The following CHD7 variants were observed in gnomAD, a reference collection of about 807,000 sequenced individuals.
CHD7 encodes the protein ATP-dependent chromatin remodeler CHD7.
Under a neutral mutation model 307.3 loss-of-function variants are expected in CHD7, and 24 were observed. The ratio of observed to expected loss-of-function variants is 0.08; its 90% CI spans 0.06 to 0.11. CHD7 has a LOEUF of 0.11. Ranked by LOEUF, CHD7 falls within the 10% of genes least tolerant of loss-of-function variation. CHD7 has a pLI of 1.00. For synonymous variants in CHD7, 1,363 were observed against 1,349.9 expected, an observed-to-expected ratio of 1.01 and a Z score of -0.21; for missense variants, 3,106 against 3,727.1, an observed-to-expected ratio of 0.83 and a Z score of 4.34.
At chr8:60,699,905 A>C (rs767812416) in intron 1 of CHD7, among the ~76,000 whole-genome samples, 1 of 150,050 alleles carries the variant, frequency 6.7e-6, no homozygotes, top group Non-Finnish European at 1.5e-5. Flanking sequence ...GCGTGATTTC[A>C]GCTCACCACA....
intron 15 of CHD7, among the ~76,000 whole-genome samples, chr8:60,832,739 A>G (rs1218012735): frequency 1.3e-5 from 2 of 152,168 alleles, no homozygotes; most frequent in Non-Finnish European, 2.9e-5. Flanking sequence ...TATGTTAATT[A>G]TATGCATTGA....
intron 2 of CHD7, among the ~76,000 whole-genome samples, chr8:60,775,351 T>G (rs1267958967): frequency 6.6e-6 from 1 of 152,250 alleles, no homozygotes; most frequent in Non-Finnish European, 1.5e-5. Context: ...CTTATATGCT[T>G]ATACTACTTT....
intron 2 of CHD7, among the ~76,000 whole-genome samples, chr8:60,756,048 CT>C (rs1029595363): frequency 2.6e-5 from 4 of 152,134 alleles, no homozygotes; most frequent in Non-Finnish European, 5.9e-5. Flanking sequence ...GGCTGAAGAA[CT>C]GAAATTTTAA....
intron 37 of CHD7, chr8:60,864,323 T>G (rs1177677772): frequency 6.6e-6 from 1 of 152,196 alleles, no homozygotes; most frequent in Non-Finnish European, 1.5e-5. Context: ...TCTTGCTATG[T>G]GCCCCAGGCT....
chr8:60,763,401 A>G (rs2150626268), intron 2 of CHD7, among the ~76,000 whole-genome samples: 1 of 152,254 alleles, frequency 6.6e-6, no homozygotes, highest in South Asian at 2.1e-4. Context: ...CACGTCAGAC[A>G]GCATGGCTTG....
intron 7 of CHD7, among the ~76,000 whole-genome samples, chr8:60,814,199 G>A (rs1414009611): frequency 1.3e-5 from 2 of 152,092 alleles, no homozygotes; most frequent in African/African-American, 4.8e-5. Context: ...CTCCAGAATG[G>A]GTTATCATCA....
At chr8:60,694,271 T>C (rs73264328) in intron 1 of CHD7, among the ~76,000 whole-genome samples, 1,568 of 152,358 alleles carry the variant, frequency 0.01, 25 homozygotes, top group African/African-American at 0.036. Flanking sequence ...CTTTAGTCTG[T>C]TGCTACTAAC....
chr8:60,746,272 G>T (rs1809321899), intron 2 of CHD7, among the ~76,000 whole-genome samples: 1 of 152,176 alleles, frequency 6.6e-6, no homozygotes, highest in Non-Finnish European at 1.5e-5. Context: ...TAAATATTAT[G>T]TAATACAGCC....
Position 60,848,599 on chromosome 8 carries a change from C to G in CHD7, c.5295C>G (p.Asp1765Glu). 6.2e-7 allele frequency: 1 copy of G among 1,612,460 alleles called. No homozygotes were observed. The highest frequency in any genetic ancestry group is 8.5e-7 in the Non-Finnish European group (1 of 1,178,872). ...DQADKILEGA[D>E]SSEADVWIPE... is the part of the protein sequence containing the mutation. ...CGGATAAGATCTTAGAGGGTGCTGA[C>G]TCAAGGTTAGTGCGAGCTCACATTT... The change falls in exon 24 of 38, where the codon GAC becomes GAG. Residue 1765 changes from aspartate to glutamate, a missense_variant. Physicochemically the swap from Asp to Glu is conservative, Grantham distance 45. Transcript: ENST00000423902.
In CHD7 at chr8:60,842,070, C is replaced by T. The variant is rs375486200; in HGVS notation, c.4850+18C>T. 1.9e-5 allele frequency: 30 copies of T among 1,574,704 alleles called. No individual in the cohort carries two copies. Among genetic ancestry groups the T allele is most frequent in the Middle Eastern group, 1.7e-4 (1 of 5,928 alleles). ...GTCTATGGGTAAGTAGGACTCACTA[C>T]GTAAGATAGAATTTTATTGTAACAG... On this transcript the variant is annotated intron_variant, in intron 21 of 37. Transcript: ENST00000423902.
At chr8:60,829,235 TTTC>T (rs1804390932) in intron 14 of CHD7, among the ~76,000 whole-genome samples, 2 of 152,198 alleles carry the variant, frequency 1.3e-5, no homozygotes, top group African/African-American at 4.8e-5. Context: ...GCCTACGTAT[TTTC>T]ACTTTAGAAA....
chr8:60,852,751 A>T (rs760798235), intron 30 of CHD7, 45 bp downstream of exon 30: 1 of 1,611,164 alleles, frequency 6.2e-7, no homozygotes, highest in Non-Finnish European at 8.5e-7. Flanking sequence ...AGACGAGTAA[A>T]GTGAAAAATA....
At position 60,742,340 on chromosome 8, in the gene CHD7, C is replaced by G. The variant is rs2150579546; in HGVS notation, c.908C>G (p.Thr303Ser). The change falls in exon 2 of 38, where the codon ACT becomes AGT. Residue 303 changes from threonine to serine, a missense_variant. By Grantham distance (58) the Thr-to-Ser change is moderately conservative (BLOSUM62 1). Transcript: ENST00000423902. ...SSRSQTVPSP[T>S]INNSGQYSRY... The stretch of plus-strand genomic sequence containing the variant: ...CGGAGCCAGACAGTCCCCTCTCCTA[C>G]TATAAACAACTCAGGGCAGTATTCT... 2.5e-6 allele frequency: 4 copies of G among 1,613,988 alleles called. No individual in the cohort carries two copies. Among genetic ancestry groups the G allele is most frequent in the Non-Finnish European group, 3.4e-6 (4 of 1,179,894 alleles).
chr8:60,811,639 C>T (rs1467397933), intron 7 of CHD7, among the ~76,000 whole-genome samples: 4 of 152,084 alleles, frequency 2.6e-5, no homozygotes, highest in African/African-American at 9.7e-5. Flanking sequence ...AATATATATT[C>T]TCATACATAT....
chr8:60,828,735 T>G lies in CHD7; in HGVS notation c.3451T>G (p.Leu1151Val). Residue 1151 changes from leucine to valine, a missense_variant, in exon 14 of 38, where the codon TTG (leucine) becomes GTG (valine). Leu to Val is a conservative substitution (Grantham distance 32). This residue lies in a region of CHD7 where 232 missense variants were observed against 422.5 expected (regional missense o/e 0.55). Transcript: ENST00000423902. ...AGAACTCTTCAGCTTGCTTCATTTCTTGGAACCAAGTCGCTTCCCTTCAGA... is the reference window on the plus strand; with the variant it reads ...AGAACTCTTCAGCTTGCTTCATTTCGTGGAACCAAGTCGCTTCCCTTCAGA... ...VEELFSLLHF[L>V]EPSRFPSETT... 6.2e-7 allele frequency: 1 copy of G among 1,613,618 alleles called. No homozygotes were observed.
chr8:60,711,068 G>A (rs766980929), intron 1 of CHD7, among the ~76,000 whole-genome samples: 2 of 152,150 alleles, frequency 1.3e-5, no homozygotes, highest in African/African-American at 4.8e-5. Flanking sequence ...TTTGGTGAGC[G>A]TGAGGCTGTG....
In CHD7 at chr8:60,796,005, C is replaced by A. The variant is rs145749014; in HGVS notation, c.2238+878C>A. 4.2e-3 allele frequency among the ~76,000 whole-genome samples: 635 copies of A among 152,272 alleles called. 5 individuals carry two copies. The highest frequency in any genetic ancestry group is 0.014 in the African/African-American group (580 of 41,554). ...CACTCAGGACTTTGCACCTGTACCC[C>A]CACCAGTCAGAAACAAAATATTTGT... is the stretch of plus-strand genomic sequence containing the variant. On this transcript the variant is annotated intron_variant, in intron 4 of 37. Coordinates refer to ENST00000423902, the MANE Select transcript of CHD7 (RefSeq NM_017780.4).
At chr8:60,683,868 G>C (rs1466108248) in intron 1 of CHD7, among the ~76,000 whole-genome samples, 1 of 151,370 alleles carries the variant, frequency 6.6e-6, no homozygotes, top group Non-Finnish European at 1.5e-5. Flanking sequence ...AACTCTTAAA[G>C]ATGTTCCTAA....
chr8:60,778,965 C>G (rs1250584154), intron 2 of CHD7, among the ~76,000 whole-genome samples: 2 of 152,052 alleles, frequency 1.3e-5, no homozygotes, highest in Non-Finnish European at 2.9e-5. Context: ...GTTGTGTTAT[C>G]CCTGCATGGA....
Sources: gnomAD v4.1 joint callset for allele counts (sites outside exome capture counted in the v4.1 genomes callset) on GRCh38, gnomAD v4.1.1 for gene constraint, gnomAD v4.1.1 regional missense constraint, MANE v1.5 for transcripts, NCBI Gene and HGNC (gene_info 2026-07-23, HGNC 2026-07-21) for gene names.